NKAIN2: variants seen among roughly 807,000 people sequenced by gnomAD.
NKAIN2 encodes the protein sodium/potassium-transporting ATPase subunit beta-1-interacting protein 2.
Under a neutral mutation model 32.6 loss-of-function variants are expected in NKAIN2, and 14 were observed. The ratio of observed to expected loss-of-function variants is 0.43; its 90% confidence interval spans 0.28 to 0.67. The LOEUF (loss-of-function observed/expected upper bound fraction) is 0.67. Among genes scored for constraint, NKAIN2 ranks in the 30% least tolerant of loss-of-function variants. NKAIN2 has a pLI of 0.17. For missense variants in NKAIN2, 198 were observed against 258.3 expected (o/e 0.77, Z 1.60); for synonymous variants, 80 against 87.2 (o/e 0.92, Z 0.46).
chr6:124,011,439 G>A (rs1022706853), intron 1 of NKAIN2, among the ~76,000 whole-genome samples: 1 of 149,866 alleles, frequency 6.7e-6, no homozygotes, highest in Non-Finnish European at 1.5e-5. Context: ...CCAACTGTTA[G>A]TCTCTATCTG....
chr6:124,751,524 A>T (rs935480616), intron 4 of NKAIN2, among the ~76,000 whole-genome samples: 1 of 151,900 alleles, frequency 6.6e-6, no homozygotes, highest in African/African-American at 2.4e-5. Context: ...TCCCTTGAAA[A>T]ATAGGGTAGT....
At chr6:124,358,142 A>G (rs1334720887) in intron 3 of NKAIN2, among the ~76,000 whole-genome samples, 2 of 152,198 alleles carry the variant, frequency 1.3e-5, no homozygotes, top group East Asian at 1.9e-4. Context: ...TCCATGATGT[A>G]TATGTGCCAC....
intron 2 of NKAIN2, among the ~76,000 whole-genome samples, chr6:124,304,508 A>AG (rs1796429894): frequency 6.6e-6 from 1 of 152,224 alleles, no homozygotes; most frequent in African/African-American, 2.4e-5. Flanking sequence ...TAGTTAGAGT[A>AG]GAAAAACGGC....
intron 1 of NKAIN2, among the ~76,000 whole-genome samples, chr6:123,851,353 A>C (rs1024209107): frequency 7.5e-6 from 1 of 133,274 alleles, no homozygotes; most frequent in Non-Finnish European, 1.6e-5. Context: ...AGGTTCAAGC[A>C]GTCCTCCTGC....
intron 1 of NKAIN2, among the ~76,000 whole-genome samples, chr6:123,853,471 T>C (rs1175924718): frequency 1.3e-5 from 2 of 152,182 alleles, no homozygotes; most frequent in Non-Finnish European, 2.9e-5. Flanking sequence ...TCTACAAACA[T>C]TTATTATATT....
intron 3 of NKAIN2, among the ~76,000 whole-genome samples, chr6:124,357,741 TA>T (rs2115156212): frequency 6.6e-6 from 1 of 152,226 alleles, no homozygotes; most frequent in South Asian, 2.1e-4. Flanking sequence ...AACATTAAGG[TA>T]AATTTTTGTT....
intron 3 of NKAIN2, among the ~76,000 whole-genome samples, chr6:124,528,886 C>G (rs181568828): frequency 6.6e-6 from 1 of 152,098 alleles, no homozygotes; most frequent in African/African-American, 2.4e-5. Context: ...ATTGCATACT[C>G]TTAGAATTTT....
chr6:124,747,009 C>T lies in NKAIN2; in HGVS notation c.475-44330C>T, dbSNP rs574967286. 1.5e-3 allele frequency among the ~76,000 whole-genome samples: 226 copies of T among 151,980 alleles called. 3 individuals carry two copies. Among genetic ancestry groups the T allele is most frequent in the African/African-American group, 5.2e-3 (217 of 41,494 alleles). ...AAAAGTTATGACATATGGATTAAGCCTAGTAGGTATTTTTTTAAAACTACA... is the reference window on the plus strand; with the variant it reads ...AAAAGTTATGACATATGGATTAAGCTTAGTAGGTATTTTTTTAAAACTACA... On this transcript the variant is annotated intron_variant, in intron 4 of 6. Coordinates refer to ENST00000368417, the MANE Select transcript of NKAIN2 (RefSeq NM_001040214.3).
intron 4 of NKAIN2, among the ~76,000 whole-genome samples, chr6:124,776,455 C>T (rs1417022738): frequency 1.3e-5 from 2 of 152,116 alleles, no homozygotes; most frequent in Non-Finnish European, 2.9e-5. Flanking sequence ...AGATCAAGGA[C>T]AGGAACCATA....
intron 3 of NKAIN2, among the ~76,000 whole-genome samples, chr6:124,520,090 TTAAC>T (rs1340281393): frequency 6.6e-6 from 1 of 152,152 alleles, no homozygotes; most frequent in African/African-American, 2.4e-5. Context: ...GTCCAGGCCT[TTAAC>T]TACCACATTC....
chr6:124,152,772 A>G (rs1403717642), intron 1 of NKAIN2, among the ~76,000 whole-genome samples: 1 of 151,976 alleles, frequency 6.6e-6, no homozygotes, highest in East Asian at 1.9e-4. Context: ...CTGTCAGTGG[A>G]TGAATGGAAA....
At chr6:124,395,139 GAAAT>G (rs774092274) in intron 3 of NKAIN2, among the ~76,000 whole-genome samples, 1 of 152,076 alleles carries the variant, frequency 6.6e-6, no homozygotes, top group Non-Finnish European at 1.5e-5. Flanking sequence ...CAAAGTAATT[GAAAT>G]AAATCTTCTC....
intron 3 of NKAIN2, among the ~76,000 whole-genome samples, chr6:124,363,538 G>T (rs1263377943): frequency 1.3e-5 from 2 of 152,168 alleles, no homozygotes; most frequent in Non-Finnish European, 2.9e-5. Flanking sequence ...AATATAAATG[G>T]AAAAACTCTG....
intron 1 of NKAIN2, among the ~76,000 whole-genome samples, chr6:123,870,078 T>G (rs1034009663): frequency 2.0e-5 from 3 of 152,170 alleles, no homozygotes; most frequent in African/African-American, 4.8e-5. Flanking sequence ...TCAGTAAACT[T>G]GACAATTATT....
chr6:123,850,355 A>AAAAAAT (rs1262534272), intron 1 of NKAIN2, among the ~76,000 whole-genome samples: 3 of 133,496 alleles, frequency 2.2e-5, no homozygotes, highest in African/African-American at 8.8e-5. Flanking sequence ...AAAAAAAAAA[A>AAAAAAT]ATATATATAT....
At chr6:123,993,780 A>G (rs566357521) in intron 1 of NKAIN2, among the ~76,000 whole-genome samples, 7 of 152,234 alleles carry the variant, frequency 4.6e-5, no homozygotes, top group African/African-American at 1.7e-4. Context: ...CCTCAGTTAT[A>G]CTGATAACTG....
At chr6:124,511,674 G>T (rs1465022152) in intron 3 of NKAIN2, among the ~76,000 whole-genome samples, 2 of 152,130 alleles carry the variant, frequency 1.3e-5, no homozygotes, top group Non-Finnish European at 2.9e-5. Flanking sequence ...CTAGGTTGTG[G>T]TTTAATAGAG....
chr6:124,470,662 A>AT (rs1776935108), intron 3 of NKAIN2, among the ~76,000 whole-genome samples: 6 of 152,090 alleles, frequency 3.9e-5, no homozygotes, highest in Admixed American at 3.9e-4. Context: ...AATTAGGGAG[A>AT]TTTGGGGAAT....
chr6:124,553,235 T>C (rs771612488), intron 3 of NKAIN2, among the ~76,000 whole-genome samples: 11 of 152,234 alleles, frequency 7.2e-5, no homozygotes, highest in Non-Finnish European at 1.5e-4. Context: ...TTTTATATTA[T>C]GGTAGATAAA....
Sources: gnomAD v4.1 joint callset for allele counts (sites outside exome capture counted in the v4.1 genomes callset) on GRCh38, gnomAD v4.1.1 for gene constraint, MANE v1.5 for transcripts, NCBI Gene and HGNC (gene_info 2026-07-23, HGNC 2026-07-21) for gene names.